TBC1D2B: variants seen among roughly 807,000 people sequenced by gnomAD.
TBC1D2B encodes TBC1 domain family member 2B.
Under a neutral mutation model 100.8 loss-of-function variants are expected in TBC1D2B, and 64 were observed. That is an observed-to-expected ratio of 0.64 (90% CI 0.52 to 0.78). TBC1D2B has a LOEUF of 0.78. Ranked by LOEUF, TBC1D2B falls within the 30% of genes least tolerant of loss-of-function variation. The pLI, the probability that TBC1D2B is intolerant of heterozygous loss-of-function variation, is 0.00. For missense variants in TBC1D2B, 1,052 were observed against 1,218.4 expected (o/e 0.86, Z 2.03); for synonymous variants, 480 against 479.7 (o/e 1.00, Z -0.01).
chr15:78,019,440 C>T (rs968381080), intron 6 of TBC1D2B, among the ~76,000 whole-genome samples: 1 of 152,188 alleles, frequency 6.6e-6, no homozygotes, highest in African/African-American at 2.4e-5. Context: ...TCAGGCCCGA[C>T]TCCCACTAGA....
intron 9 of TBC1D2B, among the ~76,000 whole-genome samples, chr15:78,011,230 T>C (rs1350248221): frequency 6.6e-6 from 1 of 152,130 alleles, no homozygotes; most frequent in Non-Finnish European, 1.5e-5. Context: ...GAAAACCATT[T>C]GGTTTCAGGT....
chr15:78,023,287 T>C (rs2072562156), intron 6 of TBC1D2B, among the ~76,000 whole-genome samples: 1 of 152,122 alleles, frequency 6.6e-6, no homozygotes, highest in Admixed American at 6.5e-5. Context: ...TACAGACATG[T>C]CTGGGGTCTG....
At position 78,064,720 on chromosome 15, in the gene TBC1D2B, G is replaced by C. The variant is rs80294711; in HGVS notation, c.361-10533C>G. 3.7e-3 allele frequency among the ~76,000 whole-genome samples: 566 copies of C among 151,570 alleles called. 6 individuals are homozygous for C. Among genetic ancestry groups the C allele is most frequent in the African/African-American group, 0.013 (530 of 41,302 alleles). Reference sequence around the variant, plus strand: ...TGAGTGTTTCAAAATCATGAGCCTGGAAACAATCTCAAGGGATCTGGCCCA... The same window carrying C: ...TGAGTGTTTCAAAATCATGAGCCTGCAAACAATCTCAAGGGATCTGGCCCA... On this transcript the variant is annotated intron_variant, in intron 1 of 12. Coordinates refer to ENST00000300584, the MANE Select transcript of TBC1D2B (RefSeq NM_144572.2).
intron 3 of TBC1D2B, among the ~76,000 whole-genome samples, chr15:78,032,524 G>A (rs1409000933): frequency 1.3e-5 from 2 of 151,298 alleles, no homozygotes; most frequent in African/African-American, 4.9e-5. Context: ...AAGTCACAAT[G>A]AGGAAAAAAA....
rs1402805457 is a variant in TBC1D2B at position 78,077,674 on chromosome 15, G to GGCGCCC, written c.-28_-23dup. 291 of 986,150 alleles carry GGCGCCC rather than the reference G, an allele frequency of 3.0e-4. No individual in the cohort carries two copies. Among genetic ancestry groups the GGCGCCC allele is most frequent in the African/African-American group, 1.1e-3 (61 of 56,700 alleles). The allele number at this position is 986,150 out of a possible 1,614,324, so 61.1% of individuals were successfully genotyped here. ...GCATCGCTACCGCGCGCCAACCGTAGGCGCCCGCGCCCTGCGCCTCCGCGC... is the reference window on the plus strand; with the variant it reads ...GCATCGCTACCGCGCGCCAACCGTAGGCGCCCGCGCCCGCGCCCTGCGCCTCCGCGC... On this transcript the variant is annotated 5_prime_UTR_variant, in exon 1 of 13. Transcript: ENST00000300584.
chr15:78,068,188 C>A (rs1239918812), intron 1 of TBC1D2B, among the ~76,000 whole-genome samples: 1 of 152,078 alleles, frequency 6.6e-6, no homozygotes, highest in African/African-American at 2.4e-5. Context: ...TCTTACAATT[C>A]TTTGATTATA....
intron 1 of TBC1D2B, among the ~76,000 whole-genome samples, chr15:78,068,383 C>CCACACACA (rs35403620): frequency 0.029 from 4,165 of 143,032 alleles, 58 homozygotes; most frequent in African/African-American, 0.044. Flanking sequence ...CACACCACAC[C>CCACACACA]CACACACACA....
At chr15:78,040,034 C>T (rs1200325982) in intron 3 of TBC1D2B, among the ~76,000 whole-genome samples, 1 of 152,228 alleles carries the variant, frequency 6.6e-6, no homozygotes, top group African/African-American at 2.4e-5. Context: ...TGACTGCTGT[C>T]AGCGCTGCTG....
At chr15:78,076,200 C>A (rs2073826246) in intron 1 of TBC1D2B, among the ~76,000 whole-genome samples, 1 of 152,192 alleles carries the variant, frequency 6.6e-6, no homozygotes, top group Non-Finnish European at 1.5e-5. Flanking sequence ...AGCACCAGGA[C>A]TCCTGACTCT....
chr15:78,003,238 C>T lies in TBC1D2B; in HGVS notation c.2574+67G>A, dbSNP rs751763000. The T allele has an allele frequency of 2.7e-5, 40 of 1,480,838 alleles. No individual in the cohort carries two copies. The East Asian group carries it at 4.5e-4, about 17-fold the overall frequency. 91.7% of individuals were successfully genotyped at this position (1,480,838 alleles called of 1,614,324 possible). ...GTTCCAGGTGAGCCAGCCGCTCTAC[C>T]GCCACCAACGCTGCTGACGGTTGTC... is the stretch of plus-strand genomic sequence containing the variant. On this transcript the variant is annotated intron_variant, in intron 11 of 12. Transcript: ENST00000300584.
chr15:78,034,683 C>T (rs1180597497), intron 3 of TBC1D2B: 13 of 985,314 alleles, frequency 1.3e-5, no homozygotes, highest in South Asian at 4.7e-5. Context: ...CGCTGCCGTG[C>T]TCTCACCTGC....
Position 78,009,013 on chromosome 15 carries a change from G to T in TBC1D2B, c.2372C>A (p.Thr791Asn). 1 of 1,596,018 alleles carries T rather than the reference G, an allele frequency of 6.3e-7. No individual in the cohort carries two copies. Among genetic ancestry groups the T allele is most frequent in the South Asian group, 1.1e-5 (1 of 87,902 alleles). Residue 791 changes from threonine to asparagine, a missense_variant, in exon 10 of 13, where the codon ACT becomes AAT. Thr to Asn is a moderately conservative substitution (Grantham distance 65, BLOSUM62 0). Transcript: ENST00000300584. ...CAGAACTACCTGGGATCCTAAAAGA[G>T]TCTTTGTATAATAGTCTCGAGGCAT... is the stretch of plus-strand genomic sequence containing the variant. ...VFMPRDYYTKTLLGSQVDQRV... is the reference protein window; with the variant it reads ...VFMPRDYYTKNLLGSQVDQRV...
Position 78,044,992 on chromosome 15 carries a change from C to G in TBC1D2B, c.591G>C (p.Glu197Asp). ...GATTTGCAGCTTGTTCTCCCACCAGCTCTCCAGGCACAGTCTCCACAGCTA... is the reference window on the plus strand; with the variant it reads ...GATTTGCAGCTTGTTCTCCCACCAGGTCTCCAGGCACAGTCTCCACAGCTA... ...NVLAVETVPG[E>D]LVGEQAANQP... The change falls in exon 3 of 13, where the codon GAG becomes GAC. Residue 197 changes from glutamate (E) to aspartate (D), a missense_variant. Transcript: ENST00000300584. The G allele has an allele frequency of 6.2e-7, 1 of 1,613,884 alleles. No homozygotes were observed. The highest frequency in any genetic ancestry group is 8.5e-7 in the Non-Finnish European group (1 of 1,179,808).
intron 2 of TBC1D2B, among the ~76,000 whole-genome samples, chr15:78,051,662 A>T (rs2073316375): frequency 6.6e-6 from 1 of 152,222 alleles, no homozygotes; most frequent in Non-Finnish European, 1.5e-5. Flanking sequence ...TACTAGGAAA[A>T]GTTTTATTTT....
intron 10 of TBC1D2B, 61 bp downstream of exon 10, chr15:78,008,936 A>G (rs2072147499): frequency 3.3e-6 from 4 of 1,202,096 alleles, no homozygotes; most frequent in Non-Finnish European, 4.8e-6. Flanking sequence ...GGTTTAATTC[A>G]GGTCACATTT....
intron 12 of TBC1D2B, chr15:77,999,295 C>T (rs1375227840): frequency 2.2e-6 from 1 of 455,340 alleles, no homozygotes; most frequent in Non-Finnish European, 4.4e-6. Context: ...TCAGAGCAGG[C>T]CATTTGCTCC....
chr15:78,020,095 C>G (rs891870341), intron 6 of TBC1D2B, among the ~76,000 whole-genome samples: 1 of 152,152 alleles, frequency 6.6e-6, no homozygotes, highest in Admixed American at 6.5e-5. Flanking sequence ...GTTGCCCAGG[C>G]TGGTCTCAAA....
chr15:78,015,334 G>A (rs2072343992), intron 8 of TBC1D2B, among the ~76,000 whole-genome samples: 1 of 152,172 alleles, frequency 6.6e-6, no homozygotes, highest in Non-Finnish European at 1.5e-5. Flanking sequence ...GTTGCACACA[G>A]GGGTATATGT....
chr15:78,001,192 T>C (rs1457083650), intron 12 of TBC1D2B, among the ~76,000 whole-genome samples: 1 of 152,166 alleles, frequency 6.6e-6, no homozygotes, highest in Non-Finnish European at 1.5e-5. Flanking sequence ...TTGCCCAGCT[T>C]ATTTGGCCTT....
Sources: allele counts gnomAD v4.1 joint callset (sites outside exome capture counted in the v4.1 genomes callset), GRCh38; gene constraint gnomAD v4.1.1; transcripts MANE v1.5; gene names NCBI Gene and HGNC (gene_info 2026-07-23, HGNC 2026-07-21).